PRDM6: variants seen among roughly 807,000 people sequenced by gnomAD.
PRDM6 encodes PR/SET domain 6.
In PRDM6, 25 loss-of-function variants were observed where a neutral mutation model predicts 60.8. That is an observed-to-expected ratio of 0.41 (90% CI 0.30 to 0.57). The LOEUF is 0.57. Ranked by LOEUF, PRDM6 falls within the 20% of genes least tolerant of loss-of-function variation. The pLI, the probability that PRDM6 is intolerant of heterozygous loss-of-function variation, is 0.27. For synonymous variants in PRDM6, 407 were observed against 357.4 expected (o/e 1.14, Z -1.57); for missense variants, 839 against 821.3 (o/e 1.02, Z -0.26).
At chr5:123,102,953 C>A (rs1764135917) in intron 3 of PRDM6, among the ~76,000 whole-genome samples, 2 of 152,104 alleles carry the variant, frequency 1.3e-5, no homozygotes, top group South Asian at 4.1e-4. Context: ...TTAGTTACTC[C>A]TTTTATTTAA....
chr5:123,186,445 C>G (rs1170394361), intron 7 of PRDM6, among the ~76,000 whole-genome samples: 1 of 152,200 alleles, frequency 6.6e-6, no homozygotes, highest in Non-Finnish European at 1.5e-5. Flanking sequence ...ACACACTGCC[C>G]TTAATTCTAG....
chr5:123,091,238 A>T (rs1259898230), intron 2 of PRDM6, among the ~76,000 whole-genome samples: 3 of 152,324 alleles, frequency 2.0e-5, no homozygotes, highest in Non-Finnish European at 4.4e-5. Context: ...TCATTTAAAA[A>T]GAAGGAAAAG....
At chr5:123,160,580 A>G (rs1459302625) in intron 5 of PRDM6, among the ~76,000 whole-genome samples, 1 of 143,734 alleles carries the variant, frequency 7.0e-6, no homozygotes, top group Non-Finnish European at 1.5e-5. Flanking sequence ...TTTCTAACAC[A>G]TGCACTCACA....
intron 3 of PRDM6, among the ~76,000 whole-genome samples, chr5:123,110,556 TTTTTTTTTTTTC>T (rs1483408638): frequency 1.4e-5 from 2 of 148,106 alleles, no homozygotes; most frequent in Admixed American, 1.3e-4. Flanking sequence ...CCGGCCTACT[TTTTTTTTTTTTC>T]TTTTTTTTTT....
intron 7 of PRDM6, among the ~76,000 whole-genome samples, chr5:123,184,115 T>C (rs1046537791): frequency 2.6e-5 from 4 of 152,200 alleles, no homozygotes; most frequent in African/African-American, 9.6e-5. Flanking sequence ...TCAGTAAATA[T>C]GCATTGAACA....
intron 3 of PRDM6, among the ~76,000 whole-genome samples, chr5:123,111,255 C>T (rs1319324623): frequency 6.6e-6 from 1 of 152,186 alleles, no homozygotes; most frequent in East Asian, 1.9e-4. Context: ...TTTCCTGCAG[C>T]TCAGTAGGTC....
At chr5:123,137,343 T>G (rs896880779) in intron 3 of PRDM6, among the ~76,000 whole-genome samples, 1 of 152,222 alleles carries the variant, frequency 6.6e-6, no homozygotes, top group Non-Finnish European at 1.5e-5. Context: ...AATTTTCATA[T>G]TACCCTGGCA....
At chr5:123,098,528 C>G (rs540619845) in intron 2 of PRDM6, among the ~76,000 whole-genome samples, 1 of 152,364 alleles carries the variant, frequency 6.6e-6, no homozygotes, top group Non-Finnish European at 1.5e-5. Context: ...CCGTGGCCGC[C>G]TGCCTCCTTC....
intron 3 of PRDM6, among the ~76,000 whole-genome samples, chr5:123,146,416 T>C (rs1765240075): frequency 6.6e-6 from 1 of 152,216 alleles, no homozygotes; most frequent in Non-Finnish European, 1.5e-5. Flanking sequence ...TGTACGATTG[T>C]ATGTAACATG....
intron 3 of PRDM6, among the ~76,000 whole-genome samples, chr5:123,149,894 T>C (rs1302128517): frequency 1.3e-5 from 2 of 152,208 alleles, no homozygotes; most frequent in East Asian, 3.8e-4. Context: ...AAGGTACCTA[T>C]CAGTAAATTA....
chr5:123,093,749 T>A (rs184377244), intron 2 of PRDM6, among the ~76,000 whole-genome samples: 153 of 152,312 alleles, frequency 1.0e-3, no homozygotes, highest in Middle Eastern at 6.8e-3. Context: ...TTCTGGGAGC[T>A]GGTGCGTTGC....
chr5:123,179,324 T>G (rs1190456470), intron 6 of PRDM6, among the ~76,000 whole-genome samples: 2 of 152,204 alleles, frequency 1.3e-5, no homozygotes, highest in East Asian at 3.8e-4. Context: ...TGACATCCTA[T>G]CATTTCTGTG....
Position 123,090,626 on chromosome 5 carries a change from G to A in PRDM6, c.592+20G>A, listed in dbSNP as rs1192065623. On this transcript the variant is annotated intron_variant, in intron 2 of 7. Coordinates refer to ENST00000407847, the MANE Select transcript of PRDM6 (RefSeq NM_001136239.4). ...ACAACCGTACGTAGCCGCAGCCCGC[G>A]CGCTCTCTCCCGGGGCGCCGGCGCC... is the stretch of plus-strand genomic sequence containing the variant. The A allele has an allele frequency of 1.4e-6, 2 of 1,481,116 alleles. No individual in the cohort carries two copies. The highest frequency in any genetic ancestry group is 1.8e-6 in the Non-Finnish European group (2 of 1,117,992). The allele number at this position is 1,481,116 out of a possible 1,614,324, so 91.7% of individuals were successfully genotyped here. A position where few individuals can be genotyped will look rare whatever the true frequency, so the allele number is the denominator to read the frequency against.
chr5:123,155,697 A>T lies in PRDM6; in HGVS notation c.901-187A>T, dbSNP rs545787321. The stretch of plus-strand genomic sequence containing the variant: ...AGATTGGCTTGATAAGAAAAACATG[A>T]TCGACTTGCATCATCAAAACATATT... On this transcript the variant is annotated intron_variant, in intron 3 of 7. Coordinates refer to ENST00000407847, the MANE Select transcript of PRDM6 (RefSeq NM_001136239.4). Among the ~76,000 whole-genome samples, 8 of 152,350 alleles carry T rather than the reference A, an allele frequency of 5.3e-5. No individual in the cohort carries two copies. In the East Asian group the frequency reaches 9.6e-4, roughly 18 times the overall value.
chr5:123,089,912 G>C (rs1378926153), intron 1 of PRDM6, 88 bp from the exon 2 acceptor site: 4 of 984,926 alleles, frequency 4.1e-6, no homozygotes, highest in Non-Finnish European at 5.8e-6. Flanking sequence ...CCACCGGCTC[G>C]GGCACTTTCT....
chr5:123,118,915 G>A (rs1265665149), intron 3 of PRDM6, among the ~76,000 whole-genome samples: 1 of 152,136 alleles, frequency 6.6e-6, no homozygotes, highest in Non-Finnish European at 1.5e-5. Context: ...TAGGTTTTGA[G>A]ACAAATGAAT....
chr5:123,127,686 T>C (rs1764723413), intron 3 of PRDM6, among the ~76,000 whole-genome samples: 1 of 151,922 alleles, frequency 6.6e-6, no homozygotes, highest in Non-Finnish European at 1.5e-5. Flanking sequence ...CTTCTTTCTT[T>C]CTTTTCTTTC....
chr5:123,090,149 C>CGCGCCGCAGCCTCTTCAGCCG lies in PRDM6; in HGVS notation c.136_156dup (p.Ala46_Pro52dup), dbSNP rs1763782649. On this transcript the variant is annotated inframe_insertion, in exon 2 of 8. Transcript: ENST00000407847. ...GCAGCGGCGCCGCGGGTCTCCTGAG[C>CGCGCCGCAGCCTCTTCAGCCG]GCGCCGCAGCCTCTTCAGCCGCCGC... The CGCGCCGCAGCCTCTTCAGCCG allele has an allele frequency of 6.5e-7, 1 of 1,528,892 alleles. No individual in the cohort carries two copies. The highest frequency in any genetic ancestry group is 1.2e-5 in the South Asian group (1 of 82,578). 94.7% of individuals were successfully genotyped at this position (1,528,892 alleles called of 1,614,324 possible).
intron 3 of PRDM6, among the ~76,000 whole-genome samples, chr5:123,131,156 G>C (rs2150223444): frequency 7.4e-6 from 1 of 134,366 alleles, no homozygotes; most frequent in East Asian, 1.9e-4. Flanking sequence ...CAGTGAATAA[G>C]ATGGTGGTTA....
Sources: allele counts gnomAD v4.1 joint callset (sites outside exome capture counted in the v4.1 genomes callset), GRCh38; gene constraint gnomAD v4.1.1; transcripts MANE v1.5; gene names NCBI Gene and HGNC (gene_info 2026-07-23, HGNC 2026-07-21).